IGF1R: variants seen among roughly 807,000 people sequenced by gnomAD.
IGF1R encodes the protein insulin-like growth factor 1 receptor.
A neutral mutation model predicts 144.6 loss-of-function variants in IGF1R; 44 were observed. The ratio of observed to expected loss-of-function variants is 0.30; its 90% confidence interval spans 0.24 to 0.39. IGF1R has a LOEUF of 0.39. Among genes scored for constraint, IGF1R ranks in the 10% least tolerant of loss-of-function variants. IGF1R has a pLI of 1.00. For synonymous variants in IGF1R, 795 were observed against 722.8 expected (o/e 1.10, Z -1.60); for missense variants, 1,355 against 1,833.7 (o/e 0.74, Z 4.77).
intron 10 of IGF1R, among the ~76,000 whole-genome samples, chr15:98,921,275 G>T (rs2015473881): frequency 6.6e-6 from 1 of 152,098 alleles, no homozygotes; most frequent in Admixed American, 6.5e-5. Context: ...AGGTTTCTAG[G>T]GGGAGCCACA....
intron 2 of IGF1R, among the ~76,000 whole-genome samples, chr15:98,843,310 T>G (rs970144208): frequency 1.3e-5 from 2 of 152,188 alleles, no homozygotes; most frequent in Non-Finnish European, 2.9e-5. Flanking sequence ...TTCTCTTACC[T>G]GCATAATAGA....
intron 1 of IGF1R, among the ~76,000 whole-genome samples, chr15:98,674,138 TTTTAAAATAC>T (rs2052969894): frequency 5.3e-5 from 1 of 18,888 alleles, no homozygotes; most frequent in Non-Finnish European, 1.2e-3. Flanking sequence ...TTCAGACATA[TTTTAAAATAC>T]TACTATACAG....
intron 15 of IGF1R, among the ~76,000 whole-genome samples, chr15:98,934,303 C>G (rs934545935): frequency 6.6e-6 from 1 of 152,036 alleles, no homozygotes; most frequent in Non-Finnish European, 1.5e-5. Context: ...CTTACGTGCA[C>G]CATCATCACC....
chr15:98,780,122 C>T (rs1658353521), intron 2 of IGF1R, among the ~76,000 whole-genome samples: 1 of 150,650 alleles, frequency 6.6e-6, no homozygotes, highest in Non-Finnish European at 1.5e-5. Flanking sequence ...TAATAACAAA[C>T]ATTCGCATTT....
rs2017250161 is a variant in IGF1R at position 98,962,116 on chromosome 15, G to C, written c.*4674G>C. The C allele has an allele frequency of 4.3e-6, 1 of 233,324 alleles. No individual in the cohort carries two copies. The highest frequency in any genetic ancestry group is 5.6e-5 in the Admixed American group (1 of 17,806). The allele number at this position is 233,324 out of a possible 1,614,324, so 14.5% of individuals were successfully genotyped here. A position where few individuals can be genotyped will look rare whatever the true frequency, so the allele number is the denominator to read the frequency against. ...TGGCTTGCCAGTGGCTCTGTGGCAA[G>C]ATCACACTGAGATCGATGGGTGAGA... On this transcript the variant is annotated 3_prime_UTR_variant, in exon 21 of 21. Transcript: ENST00000650285.
intron 1 of IGF1R, among the ~76,000 whole-genome samples, chr15:98,662,053 T>C (rs751632480): frequency 1.5e-4 from 22 of 148,302 alleles, no homozygotes; most frequent in Non-Finnish European, 3.1e-4. Context: ...ACCTCTGCCT[T>C]ACTGCAACCT....
chr15:98,681,487 G>T (rs956265688), intron 1 of IGF1R, among the ~76,000 whole-genome samples: 2 of 152,164 alleles, frequency 1.3e-5, no homozygotes, highest in Admixed American at 1.3e-4. Context: ...GTAGTTCAAG[G>T]ATAAACCTCT....
At chr15:98,795,337 CAGTA>C (rs1482153159) in intron 2 of IGF1R, among the ~76,000 whole-genome samples, 1 of 152,168 alleles carries the variant, frequency 6.6e-6, no homozygotes, top group Non-Finnish European at 1.5e-5. Context: ...TGACATGTAT[CAGTA>C]AGTTAAAAAC....
chr15:98,729,523 TTTC>T (rs2054447150), intron 2 of IGF1R, among the ~76,000 whole-genome samples: 1 of 152,104 alleles, frequency 6.6e-6, no homozygotes, highest in Non-Finnish European at 1.5e-5. Context: ...TGTTTTCTGT[TTTC>T]TTCATTGTAC....
At position 98,852,001 on chromosome 15, in the gene IGF1R, A is replaced by C. The variant is rs191810569; in HGVS notation, c.641-39324A>C. ...ATTTTTAGTACAGGGATTTAAAACA[A>C]CTTCTGCAAAGACAGAACTAAAAAT... On this transcript the variant is annotated intron_variant, in intron 2 of 20. Coordinates refer to ENST00000650285, the MANE Select transcript of IGF1R (RefSeq NM_000875.5). 2.6e-4 allele frequency among the ~76,000 whole-genome samples: 39 copies of C among 152,372 alleles called. No homozygotes were observed. In the East Asian group the frequency reaches 6.4e-3, roughly 25 times the overall value.
At chr15:98,826,215 C>T (rs1834745329) in intron 2 of IGF1R, among the ~76,000 whole-genome samples, 1 of 152,196 alleles carries the variant, frequency 6.6e-6, no homozygotes, top group South Asian at 2.1e-4. Context: ...TGCACTAATA[C>T]TTATGTGCAT....
intron 1 of IGF1R, among the ~76,000 whole-genome samples, chr15:98,693,304 A>T (rs1177087713): frequency 6.6e-6 from 1 of 152,130 alleles, no homozygotes; most frequent in Non-Finnish European, 1.5e-5. Context: ...TGCCATTTCC[A>T]TGTAGAGGGG....
chr15:98,661,266 G>A (rs935601688), intron 1 of IGF1R, among the ~76,000 whole-genome samples: 3 of 152,092 alleles, frequency 2.0e-5, no homozygotes, highest in East Asian at 1.9e-4. Flanking sequence ...CAACCCTGCC[G>A]GTTTTGGTTG....
chr15:98,742,106 C>T (rs1356911313), intron 2 of IGF1R, among the ~76,000 whole-genome samples: 1 of 152,144 alleles, frequency 6.6e-6, no homozygotes, highest in African/African-American at 2.4e-5. Context: ...TGTTTTCTTC[C>T]CTAGCTGTGT....
At chr15:98,759,127 A>G (rs1159554129) in intron 2 of IGF1R, among the ~76,000 whole-genome samples, 1 of 152,152 alleles carries the variant, frequency 6.6e-6, no homozygotes, top group Non-Finnish European at 1.5e-5. Context: ...TAATGACATC[A>G]ATTGTATGCC....
intron 1 of IGF1R, among the ~76,000 whole-genome samples, chr15:98,657,110 G>C (rs1022145692): frequency 2.0e-5 from 3 of 152,226 alleles, no homozygotes; most frequent in Admixed American, 1.3e-4. Flanking sequence ...TCTCTGTAAA[G>C]TTGGTTATTG....
At chr15:98,882,018 C>T (rs1301478679) in intron 2 of IGF1R, among the ~76,000 whole-genome samples, 1 of 152,190 alleles carries the variant, frequency 6.6e-6, no homozygotes, top group Non-Finnish European at 1.5e-5. Context: ...TGACTAGAAG[C>T]TCAGAGTGAG....
Position 98,693,794 on chromosome 15 carries a change from T to C in IGF1R, c.95-13768T>C, listed in dbSNP as rs113613768. Among the ~76,000 whole-genome samples the C allele has an allele frequency of 3.8e-3, 580 of 152,210 alleles. 5 individuals carry two copies. The highest frequency in any genetic ancestry group is 0.013 in the African/African-American group (548 of 41,538). On this transcript the variant is annotated intron_variant, in intron 1 of 20. Transcript: ENST00000650285. ...CTCATTTTTGTATTTTTAGTAGAGA[T>C]GGGGTTTTACCATGTTGGTCAGGCT...
intron 2 of IGF1R, among the ~76,000 whole-genome samples, chr15:98,775,229 C>A (rs899522812): frequency 1.3e-5 from 2 of 152,188 alleles, no homozygotes; most frequent in African/African-American, 4.8e-5. Flanking sequence ...GCCTCGTTCC[C>A]CCCACCTCCA....
Sources: gnomAD v4.1 joint callset for allele counts (sites outside exome capture counted in the v4.1 genomes callset) on GRCh38, gnomAD v4.1.1 for gene constraint, MANE v1.5 for transcripts, NCBI Gene and HGNC (gene_info 2026-07-23, HGNC 2026-07-21) for gene names.